Variants in GALNT13 observed in about 807,000 individuals in gnomAD.
GALNT13 encodes polypeptide N-acetylgalactosaminyltransferase 13, also known as UDP-GalNAc:polypeptide N-acetylgalactosaminyltransferase 13.
GALNT13 carries 28 observed loss-of-function variants against 64.2 expected under a neutral mutation model. The observed-to-expected ratio is 0.44, with a 90% CI of 0.32 to 0.60. GALNT13 has a LOEUF of 0.60. GALNT13 is among the 20% of genes least tolerant of loss of function. GALNT13 has a pLI of 0.05. For missense variants in GALNT13, 577 were observed against 669.8 expected, an observed-to-expected ratio of 0.86 and a Z score of 1.53; for synonymous variants, 214 against 224.6, an observed-to-expected ratio of 0.95 and a Z score of 0.42.
intron 3 of GALNT13, among the ~76,000 whole-genome samples, chr2:154,105,640 T>C (rs1702574053): frequency 6.6e-6 from 1 of 152,186 alleles, no homozygotes; most frequent in Non-Finnish European, 1.5e-5. Flanking sequence ...TGTTAAGTGA[T>C]GCATGACTGT....
intron 1 of GALNT13, among the ~76,000 whole-genome samples, chr2:153,883,541 C>T (rs769881748): frequency 6.6e-6 from 1 of 151,936 alleles, no homozygotes; most frequent in Non-Finnish European, 1.5e-5. Context: ...CAGGTTGAAC[C>T]TCAGCAAACT....
chr2:153,896,036 G>A (rs1411190668), intron 1 of GALNT13, among the ~76,000 whole-genome samples: 2 of 60,062 alleles, frequency 3.3e-5, no homozygotes, highest in Admixed American at 1.3e-4. Context: ...AATAGTCTGC[G>A]AGTAAGAACA....
At chr2:153,756,387 A>C in the GALNT13 span, among the ~76,000 whole-genome samples, 15 of 152,152 alleles carry the variant, frequency 9.9e-5, no homozygotes, top group African/African-American at 3.6e-4. Context: ...TTGCTCTGTT[A>C]AATGAACCAT....
intron 3 of GALNT13, among the ~76,000 whole-genome samples, chr2:154,110,533 G>A (rs993973075): frequency 9.9e-5 from 15 of 151,334 alleles, no homozygotes; most frequent in African/African-American, 3.4e-4. Flanking sequence ...TCCGATGTTC[G>A]AGGGCAGAAA....
chr2:153,256,714 TG>T, the GALNT13 span, among the ~76,000 whole-genome samples: 1 of 152,192 alleles, frequency 6.6e-6, no homozygotes, highest in African/African-American at 2.4e-5. Flanking sequence ...CCAGGCCGTG[TG>T]AGGTGTCAGT....
chr2:154,443,446 TTAAA>T (rs1281831988), intron 12 of GALNT13, among the ~76,000 whole-genome samples: 1 of 152,076 alleles, frequency 6.6e-6, no homozygotes, highest in Non-Finnish European at 1.5e-5. Flanking sequence ...TGCTATTAAA[TTAAA>T]TATAGTACAA....
At chr2:153,187,203 C>G in the GALNT13 span, among the ~76,000 whole-genome samples, 1 of 152,110 alleles carries the variant, frequency 6.6e-6, no homozygotes. Context: ...TAGACAAACC[C>G]TTTTAAAATA....
chr2:153,248,816 G>GAAA, the GALNT13 span, among the ~76,000 whole-genome samples: 80 of 135,752 alleles, frequency 5.9e-4, no homozygotes, highest in African/African-American at 8.0e-4. Flanking sequence ...ACTCTGTCTC[G>GAAA]AAAAAAAAAA....
chr2:153,425,084 A>G, the GALNT13 span, among the ~76,000 whole-genome samples: 1 of 151,824 alleles, frequency 6.6e-6, no homozygotes, highest in Non-Finnish European at 1.5e-5. Context: ...TGCAGTGGAT[A>G]TATTTATGTT....
the GALNT13 span, among the ~76,000 whole-genome samples, chr2:153,728,040 C>G: frequency 6.6e-6 from 1 of 152,148 alleles, no homozygotes; most frequent in African/African-American, 2.4e-5. Context: ...TGATGGCTTC[C>G]AGCTTCATCC....
intron 9 of GALNT13, among the ~76,000 whole-genome samples, chr2:154,322,889 T>G (rs900848879): frequency 6.6e-6 from 1 of 152,068 alleles, no homozygotes; most frequent in Non-Finnish European, 1.5e-5. Flanking sequence ...TTTACTTACA[T>G]GTCTGGCATT....
At chr2:154,290,685 G>A (rs1192207836) in intron 8 of GALNT13, among the ~76,000 whole-genome samples, 1 of 152,174 alleles carries the variant, frequency 6.6e-6, no homozygotes, top group Non-Finnish European at 1.5e-5. Context: ...CAGAATTGGT[G>A]GATTCTTGGT....
chr2:153,418,172 T>G, the GALNT13 span, among the ~76,000 whole-genome samples: 3 of 151,958 alleles, frequency 2.0e-5, no homozygotes, highest in African/African-American at 7.3e-5. Flanking sequence ...AAGACAGAGA[T>G]GTGATGACAG....
chr2:153,946,682 A>G (rs2105390805), intron 3 of GALNT13, among the ~76,000 whole-genome samples: 1 of 144,004 alleles, frequency 6.9e-6, no homozygotes, highest in Admixed American at 6.9e-5. Context: ...CACCTTCATG[A>G]CTTAATCACC....
chr2:153,252,297 C>T, the GALNT13 span, among the ~76,000 whole-genome samples: 5 of 98,540 alleles, frequency 5.1e-5, no homozygotes, highest in Admixed American at 9.4e-5. Flanking sequence ...TCATGTCCTT[C>T]GCCCACTTTT....
At chr2:153,770,916 G>C in the GALNT13 span, among the ~76,000 whole-genome samples, 1 of 152,196 alleles carries the variant, frequency 6.6e-6, no homozygotes, top group Non-Finnish European at 1.5e-5. Context: ...GTGTGCCTAG[G>C]CATGGAATTG....
chr2:153,149,100 C>A, the GALNT13 span, among the ~76,000 whole-genome samples: 1 of 151,824 alleles, frequency 6.6e-6, no homozygotes, highest in Non-Finnish European at 1.5e-5. Flanking sequence ...AAAAATAACA[C>A]CACCACCCTG....
chr2:153,165,051 T>A, the GALNT13 span, among the ~76,000 whole-genome samples: 1 of 152,246 alleles, frequency 6.6e-6, no homozygotes, highest in African/African-American at 2.4e-5. Flanking sequence ...TTTGAATATC[T>A]TCTGACCTGC....
intron 3 of GALNT13, among the ~76,000 whole-genome samples, chr2:153,974,437 A>G (rs1472632106): frequency 6.6e-6 from 1 of 152,104 alleles, no homozygotes; most frequent in Non-Finnish European, 1.5e-5. Context: ...TAATGACCAC[A>G]TGGATTTTTA....
Sources: allele counts gnomAD v4.1 joint callset (sites outside exome capture counted in the v4.1 genomes callset), GRCh38; gene constraint gnomAD v4.1.1; transcripts MANE v1.5; gene names NCBI Gene and HGNC (gene_info 2026-07-23, HGNC 2026-07-21).